The following MAP3K5 variants were observed in gnomAD, a reference collection of about 807,000 sequenced individuals.
MAP3K5 encodes ASK-1.
In MAP3K5, 56 loss-of-function variants were observed where a neutral mutation model predicts 158.7. The ratio of observed to expected loss-of-function variants is 0.35; its 90% CI spans 0.28 to 0.44. The LOEUF (loss-of-function observed/expected upper bound fraction) is 0.44, where lower values mean the gene tolerates loss of function less well. Among genes scored for constraint, MAP3K5 ranks in the 20% least tolerant of loss-of-function variants. The pLI is 1.00. For synonymous variants in MAP3K5, 579 were observed against 601.7 expected, an observed-to-expected ratio of 0.96 and a Z score of 0.55; for missense variants, 1,294 against 1,674.8, an observed-to-expected ratio of 0.77 and a Z score of 3.97.
intron 21 of MAP3K5, 121 bp from the exon 22 acceptor site, chr6:136,592,735 T>C (rs770308948): frequency 1.2e-6 from 1 of 864,604 alleles, no homozygotes; most frequent in Non-Finnish European, 1.9e-6. Flanking sequence ...AGCAGCATAA[T>C]TATGCTATGT....
chr6:136,609,089 G>T lies in MAP3K5; in HGVS notation c.2521+2193C>A, dbSNP rs574845357. Among the ~76,000 whole-genome samples the T allele has an allele frequency of 2.0e-5, 3 of 152,142 alleles. No individual in the cohort carries two copies. The highest frequency in any genetic ancestry group is 4.4e-5 in the Non-Finnish European group (3 of 68,022). ...ACTGCTTTCCTACAATTCCTTTGGA[G>T]ATTTTACAAAAAAGATGTTCCCCAG... On this transcript the variant is annotated intron_variant, in intron 18 of 29. Transcript: ENST00000359015. The surrounding 1 kb of genome is among the most constrained non-coding windows in gnomAD (Gnocchi z 4.4).
intron 1 of MAP3K5, among the ~76,000 whole-genome samples, chr6:136,764,835 G>A (rs1783894718): frequency 6.6e-6 from 1 of 152,114 alleles, no homozygotes; most frequent in Non-Finnish European, 1.5e-5. Context: ...TTATGTAAGA[G>A]GCAGAACTGA....
intron 7 of MAP3K5, among the ~76,000 whole-genome samples, chr6:136,673,818 A>T (rs1779588730): frequency 6.6e-6 from 1 of 152,028 alleles, no homozygotes; most frequent in South Asian, 2.1e-4. Context: ...CCAGAAAGAG[A>T]AGAAAGAGAA....
At chr6:136,583,534 C>T (rs117022138) in intron 24 of MAP3K5, 21 bp downstream of exon 24, 17,593 of 1,588,176 alleles carry the variant, frequency 0.011, 115 homozygotes, top group Non-Finnish European at 0.014. Context: ...TGGGAAAACA[C>T]TGGCAAAATA....
chr6:136,721,088 A>ATT (rs575610184), intron 1 of MAP3K5, among the ~76,000 whole-genome samples: 1 of 151,906 alleles, frequency 6.6e-6, no homozygotes, highest in South Asian at 2.1e-4. Context: ...CCAAACCTGC[A>ATT]TTTTTTTTAA....
chr6:136,743,675 T>G (rs1368138947), intron 1 of MAP3K5, among the ~76,000 whole-genome samples: 1 of 152,226 alleles, frequency 6.6e-6, no homozygotes, highest in Non-Finnish European at 1.5e-5. Context: ...ACCCACCATT[T>G]GCACTCCTTG....
intron 1 of MAP3K5, among the ~76,000 whole-genome samples, chr6:136,749,372 CAAAAA>C (rs568913197): frequency 2.3e-5 from 2 of 87,522 alleles, no homozygotes; most frequent in Admixed American, 1.3e-4. Context: ...AACTCTGTAT[CAAAAA>C]AAAAAAAAAA....
chr6:136,790,302 A>C (rs1038112082), intron 1 of MAP3K5, among the ~76,000 whole-genome samples: 3 of 152,108 alleles, frequency 2.0e-5, no homozygotes, highest in African/African-American at 7.3e-5. Context: ...AAAAACGCCC[A>C]ATCAGTGCAA....
intron 1 of MAP3K5, among the ~76,000 whole-genome samples, chr6:136,775,262 G>A (rs1303836568): frequency 2.0e-5 from 3 of 152,152 alleles, no homozygotes; most frequent in African/African-American, 7.2e-5. Context: ...AATTTACCTG[G>A]TGACCACATA....
At chr6:136,621,987 G>A (rs1309821471) in intron 15 of MAP3K5, among the ~76,000 whole-genome samples, 4 of 151,812 alleles carry the variant, frequency 2.6e-5, no homozygotes, top group Non-Finnish European at 5.9e-5. Flanking sequence ...TCAGGAGGCC[G>A]AGGCAGGAGA....
chr6:136,776,227 G>A (rs1165003572), intron 1 of MAP3K5, among the ~76,000 whole-genome samples: 1 of 152,018 alleles, frequency 6.6e-6, no homozygotes, highest in African/African-American at 2.4e-5. Context: ...TATGGTTTTG[G>A]GGTTGTCTTT....
intron 18 of MAP3K5, among the ~76,000 whole-genome samples, chr6:136,607,131 T>C (rs1776136118): frequency 6.6e-6 from 1 of 152,128 alleles, no homozygotes; most frequent in Admixed American, 6.5e-5. Context: ...TTTCCCCAAG[T>C]GATAATTTTG....
intron 1 of MAP3K5, among the ~76,000 whole-genome samples, chr6:136,728,388 T>C (rs1030471668): frequency 5.3e-5 from 8 of 152,156 alleles, no homozygotes; most frequent in African/African-American, 1.9e-4. Context: ...CAAGTCAGTT[T>C]TCTAAAGTTT....
At chr6:136,748,928 T>C (rs1234726899) in intron 1 of MAP3K5, among the ~76,000 whole-genome samples, 1 of 152,284 alleles carries the variant, frequency 6.6e-6, no homozygotes, top group East Asian at 1.9e-4. Flanking sequence ...GCTGTTGTTT[T>C]ACTCAGCATC....
chr6:136,666,257 C>T (rs1403011261), intron 8 of MAP3K5, among the ~76,000 whole-genome samples: 1 of 152,180 alleles, frequency 6.6e-6, no homozygotes, highest in Non-Finnish European at 1.5e-5. Context: ...AATTAAGAGT[C>T]TTTGGGCAAC....
In MAP3K5 at chr6:136,599,498, T is replaced by C. The variant is rs904020283; in HGVS notation, c.2878+1524A>G. Among the ~76,000 whole-genome samples the C allele has an allele frequency of 6.7e-5, 10 of 148,918 alleles. 1 individual carries two copies. The South Asian group carries it at 2.1e-3, about 31-fold the overall frequency. ...GGATCTCTCTCTCTCTCTCTCTCTC[T>C]CTCTCATATATGCACGCTCTTGCCA... On this transcript the variant is annotated intron_variant, in intron 21 of 29. Coordinates refer to ENST00000359015, the MANE Select transcript of MAP3K5 (RefSeq NM_005923.4).
intron 1 of MAP3K5, among the ~76,000 whole-genome samples, chr6:136,723,825 T>C (rs1375144317): frequency 6.6e-6 from 1 of 151,516 alleles, no homozygotes; most frequent in Non-Finnish European, 1.5e-5. Context: ...GCTTCAGAAG[T>C]TTTTTTTCCC....
At chr6:136,668,247 G>T (rs1447503357) in intron 8 of MAP3K5, among the ~76,000 whole-genome samples, 1 of 151,940 alleles carries the variant, frequency 6.6e-6, no homozygotes, top group East Asian at 1.9e-4. Context: ...AGTCAGCTGT[G>T]GTGGTGCACG....
chr6:136,659,731 G>C (rs927297180), intron 8 of MAP3K5, among the ~76,000 whole-genome samples: 6 of 151,924 alleles, frequency 3.9e-5, no homozygotes, highest in African/African-American at 1.5e-4. Flanking sequence ...AGGGAATGAG[G>C]ACTGATAGTT....
Sources: gnomAD v4.1 joint callset for allele counts (sites outside exome capture counted in the v4.1 genomes callset) on GRCh38, gnomAD v4.1.1 for gene constraint, Gnocchi (gnomAD v3.1) non-coding constraint, MANE v1.5 for transcripts, NCBI Gene and HGNC (gene_info 2026-07-23, HGNC 2026-07-21) for gene names.